Variants in RBFOX1 observed in about 807,000 individuals in gnomAD.
RBFOX1 encodes RNA binding protein fox-1 homolog 1.
Under a neutral mutation model 57.7 loss-of-function variants are expected in RBFOX1, and 8 were observed. The observed-to-expected ratio is 0.14, with a 90% confidence interval of 0.08 to 0.25. The LOEUF (loss-of-function observed/expected upper bound fraction) is 0.25. Ranked by LOEUF, RBFOX1 falls within the 10% of genes least tolerant of loss-of-function variation. RBFOX1 has a pLI of 1.00. For missense variants in RBFOX1, 611 were observed against 548.5 expected, an observed-to-expected ratio of 1.11 and a Z score of -1.14; for synonymous variants, 326 against 222.4, an observed-to-expected ratio of 1.47 and a Z score of -4.15.
intron 3 of RBFOX1, among the ~76,000 whole-genome samples, chr16:6,941,153 C>A (rs1249135730): frequency 6.6e-6 from 1 of 151,824 alleles, no homozygotes. Context: ...GGCAAGAATC[C>A]TCAGGAAATC....
intron 3 of RBFOX1, among the ~76,000 whole-genome samples, chr16:5,635,715 C>T (rs922534626): frequency 6.6e-6 from 1 of 152,090 alleles, no homozygotes; most frequent in Non-Finnish European, 1.5e-5. Flanking sequence ...CTGGGTGCAC[C>T]AGTAGACTGC....
intron 3 of RBFOX1, among the ~76,000 whole-genome samples, chr16:6,815,178 T>C (rs1346043662): frequency 1.3e-5 from 2 of 152,142 alleles, no homozygotes; most frequent in African/African-American, 2.4e-5. Context: ...GAGAGTGCTG[T>C]TGAGCATGCA....
At chr16:7,554,936 A>C (rs1271677945) in intron 5 of RBFOX1, among the ~76,000 whole-genome samples, 2 of 152,244 alleles carry the variant, frequency 1.3e-5, no homozygotes, top group Admixed American at 1.3e-4. Flanking sequence ...CATTCGTAGT[A>C]ATAAAAGCCA....
intron 3 of RBFOX1, among the ~76,000 whole-genome samples, chr16:6,771,008 G>T (rs1344988534): frequency 6.6e-6 from 1 of 152,122 alleles, no homozygotes; most frequent in Non-Finnish European, 1.5e-5. Context: ...ATGTGAGTCT[G>T]TTTGGAGACA....
intron 2 of RBFOX1, among the ~76,000 whole-genome samples, chr16:5,580,329 GTA>G (rs2046621922): frequency 6.6e-6 from 1 of 152,226 alleles, no homozygotes; most frequent in Non-Finnish European, 1.5e-5. Flanking sequence ...GGACTGATTG[GTA>G]ATTGAGCTTG....
intron 2 of RBFOX1, among the ~76,000 whole-genome samples, chr16:6,345,079 A>G (rs1403666505): frequency 6.6e-6 from 1 of 152,172 alleles, no homozygotes; most frequent in African/African-American, 2.4e-5. Flanking sequence ...TGGAAGAGCA[A>G]GACACTAGAT....
At chr16:5,301,416 G>A (rs2063799461) in intron 1 of RBFOX1, among the ~76,000 whole-genome samples, 1 of 152,006 alleles carries the variant, frequency 6.6e-6, no homozygotes, top group Non-Finnish European at 1.5e-5. Context: ...TCAGGAGATT[G>A]AGACCATCCT....
intron 3 of RBFOX1, among the ~76,000 whole-genome samples, chr16:5,670,491 T>C (rs1050931899): frequency 3.3e-5 from 5 of 152,210 alleles, no homozygotes; most frequent in Non-Finnish European, 7.3e-5. Flanking sequence ...CTATGGAAGA[T>C]ATGGGAACAT....
chr16:7,453,262 G>C (rs67010016), intron 4 of RBFOX1, among the ~76,000 whole-genome samples: 42,677 of 151,886 alleles, frequency 0.28, 7,471 homozygotes, highest in Middle Eastern at 0.44. Flanking sequence ...TATGAGAGTA[G>C]CATTCCAGGC....
intron 2 of RBFOX1, among the ~76,000 whole-genome samples, chr16:6,339,279 A>C (rs2084191279): frequency 6.6e-6 from 1 of 152,232 alleles, no homozygotes; most frequent in Non-Finnish European, 1.5e-5. Flanking sequence ...CAAGCAACCC[A>C]ACCTGAGTCA....
intron 3 of RBFOX1, among the ~76,000 whole-genome samples, chr16:5,758,200 A>G (rs1194439396): frequency 1.3e-5 from 2 of 152,208 alleles, no homozygotes. Context: ...CTTTTTAACA[A>G]ATGATGCTAT....
intron 4 of RBFOX1, among the ~76,000 whole-genome samples, chr16:7,235,843 G>C (rs533483552): frequency 8.5e-5 from 13 of 152,306 alleles, no homozygotes; most frequent in Admixed American, 3.3e-4. Context: ...AGTTTTTACA[G>C]TTGAAGGCTA....
intron 1 of RBFOX1, among the ~76,000 whole-genome samples, chr16:6,102,356 T>C (rs2152559374): frequency 6.6e-6 from 1 of 152,344 alleles, no homozygotes. Flanking sequence ...AAATTATCTT[T>C]AACACTGTAT....
chr16:7,145,771 T>A (rs12446166), intron 4 of RBFOX1, among the ~76,000 whole-genome samples: 1 of 152,048 alleles, frequency 6.6e-6, no homozygotes, highest in East Asian at 1.9e-4. Context: ...GATATAAAAA[T>A]CATGTATGAG....
At chr16:7,460,846 T>A (rs12933913) in intron 4 of RBFOX1, among the ~76,000 whole-genome samples, 1 of 151,998 alleles carries the variant, frequency 6.6e-6, no homozygotes, top group Non-Finnish European at 1.5e-5. Flanking sequence ...AAATTTCTGA[T>A]TTGATATGTC....
chr16:6,730,372 ATCTC>A (rs559589975), intron 3 of RBFOX1, among the ~76,000 whole-genome samples: 9 of 151,960 alleles, frequency 5.9e-5, no homozygotes, highest in Non-Finnish European at 1.3e-4. Context: ...AGCATGTGGA[ATCTC>A]TCTCTCTCTG....
intron 3 of RBFOX1, among the ~76,000 whole-genome samples, chr16:6,791,526 A>C (rs2154248639): frequency 6.6e-6 from 1 of 152,266 alleles, no homozygotes; most frequent in East Asian, 1.9e-4. Context: ...CGGGAGGCCG[A>C]GGTGGGTGGA....
At chr16:7,313,386 T>A (rs2096364727) in intron 4 of RBFOX1, among the ~76,000 whole-genome samples, 1 of 151,864 alleles carries the variant, frequency 6.6e-6, no homozygotes, top group Non-Finnish European at 1.5e-5. Context: ...CCACTGGGGG[T>A]CTCCATTTAG....
intron 2 of RBFOX1, among the ~76,000 whole-genome samples, chr16:6,598,631 C>G (rs544368589): frequency 6.7e-6 from 1 of 150,036 alleles, no homozygotes. Context: ...TATTATGTGA[C>G]CATTCAAAAT....
Sources: gnomAD v4.1 joint callset for allele counts (sites outside exome capture counted in the v4.1 genomes callset) on GRCh38, gnomAD v4.1.1 for gene constraint, MANE v1.5 for transcripts, NCBI Gene and HGNC (gene_info 2026-07-23, HGNC 2026-07-21) for gene names.